Variants in ANKRD11 observed in about 807,000 individuals in gnomAD.
The protein encoded by ANKRD11 is ankyrin repeat domain 11, also known as ankyrin repeat domain-containing protein 11.
Under a neutral mutation model 195.7 loss-of-function variants are expected in ANKRD11, and 17 were observed. The observed-to-expected ratio is 0.09, with a 90% CI of 0.06 to 0.13. The LOEUF (loss-of-function observed/expected upper bound fraction) is 0.13. ANKRD11 is among the 10% of genes least tolerant of loss of function. The probability of loss-of-function intolerance (pLI) is 1.00; values close to 1 mark genes in which losing one functional copy is unlikely to be tolerated. For missense variants in ANKRD11, 3,735 were observed against 3,566.1 expected (o/e 1.05, Z -1.21); for synonymous variants, 1,953 against 1,528.1 (o/e 1.28, Z -6.49).
chr16:89,328,370 T>C (rs1340265936), intron 2 of ANKRD11, among the ~76,000 whole-genome samples: 2 of 152,208 alleles, frequency 1.3e-5, no homozygotes, highest in African/African-American at 2.4e-5. Context: ...TGGAACCTCA[T>C]GTGAACACAA....
At chr16:89,328,654 C>A (rs577391643) in intron 2 of ANKRD11, among the ~76,000 whole-genome samples, 2 of 122,932 alleles carry the variant, frequency 1.6e-5, no homozygotes, top group African/African-American at 6.4e-5. Context: ...GCGAAATCAG[C>A]GGAGGCCCCT....
chr16:89,289,038 C>A, intron 6 of ANKRD11: 1 of 333,024 alleles, frequency 3.0e-6, no homozygotes. Flanking sequence ...GGAGGGGAAA[C>A]CTCCCGTGTC....
chr16:89,313,442 C>T lies in ANKRD11; in HGVS notation c.87+3491G>A, dbSNP rs554372456. 2.0e-4 allele frequency: 257 copies of T among 1,289,182 alleles called. 1 individual carries two copies. In the African/African-American group the frequency reaches 3.6e-3, roughly 18 times the overall value. The allele number at this position is 1,289,182 out of a possible 1,614,324, so 79.9% of individuals were successfully genotyped here. On this transcript the variant is annotated intron_variant, in intron 3 of 12. Transcript: ENST00000301030. ...TCTGCAGAAGGGGCCCTTTCTCTGA[C>T]ACGCCTGCCACTGTGCTCACTGGTG...
At chr16:89,299,247 C>T in intron 4 of ANKRD11, 1 of 177,644 alleles carries the variant, frequency 5.6e-6, no homozygotes, top group Admixed American at 6.1e-5. Context: ...TCTGGTCCTG[C>T]CTGGGAGGAG....
intron 1 of ANKRD11, among the ~76,000 whole-genome samples, chr16:89,428,386 C>A (rs758066187): frequency 4.6e-5 from 7 of 151,628 alleles, no homozygotes; most frequent in Non-Finnish European, 1.0e-4. Context: ...ATTAGCCAAG[C>A]GTGGTGGCGG....
At chr16:89,333,108 G>C (rs1023825483) in intron 2 of ANKRD11, among the ~76,000 whole-genome samples, 10 of 152,356 alleles carry the variant, frequency 6.6e-5, no homozygotes, top group African/African-American at 2.2e-4. Context: ...TGAGGTCACA[G>C]ACTCAGTGGC....
chr16:89,272,554 T>G (rs1457403621), intron 11 of ANKRD11: 1 of 152,016 alleles, frequency 6.6e-6, no homozygotes, highest in Non-Finnish European at 1.5e-5. Context: ...ATACAAAAAT[T>G]AGCCAGGTGT....
intron 1 of ANKRD11, among the ~76,000 whole-genome samples, chr16:89,436,085 A>G (rs552590764): frequency 6.6e-6 from 1 of 152,224 alleles, no homozygotes; most frequent in African/African-American, 2.4e-5. Flanking sequence ...AAGATTCCCC[A>G]TTTGGGAAAG....
At chr16:89,348,634 G>A (rs892633531) in intron 2 of ANKRD11, among the ~76,000 whole-genome samples, 1 of 152,150 alleles carries the variant, frequency 6.6e-6, no homozygotes, top group African/African-American at 2.4e-5. Flanking sequence ...ATAGATACAG[G>A]ACTATTTAAG....
At chr16:89,441,997 C>A (rs2043528876) in intron 1 of ANKRD11, among the ~76,000 whole-genome samples, 1 of 152,164 alleles carries the variant, frequency 6.6e-6, no homozygotes, top group South Asian at 2.1e-4. Context: ...AATTAAAAAT[C>A]CTTGTACTGA....
chr16:89,293,836 C>G (rs2035240851), intron 4 of ANKRD11, among the ~76,000 whole-genome samples: 1 of 152,056 alleles, frequency 6.6e-6, no homozygotes, highest in Non-Finnish European at 1.5e-5. Flanking sequence ...CTTAAGTTAT[C>G]AAAGGACCCT....
At chr16:89,385,878 C>T (rs905860609) in intron 2 of ANKRD11, among the ~76,000 whole-genome samples, 22 of 152,356 alleles carry the variant, frequency 1.4e-4, no homozygotes, top group Admixed American at 1.2e-3. Flanking sequence ...CATTTGTGAC[C>T]GTTCCCTCCG....
chr16:89,283,471 T>C lies in ANKRD11; in HGVS notation c.3071A>G (p.Lys1024Arg), dbSNP rs2034425524. The C allele has an allele frequency of 6.2e-7, 1 of 1,614,114 alleles. No homozygotes were observed. Among genetic ancestry groups the C allele is most frequent in the Non-Finnish European group, 8.5e-7 (1 of 1,180,064 alleles). ...GGATTTCTCTTTGTATCTTTCTGGT[T>C]TTGTCTTCTCCTTCCTTTCCTTATC... ...GPDKERKEKT[K>R]PERYKEKSSD... Residue 1024 changes from lysine (K) to arginine (R), a missense_variant, in exon 9 of 13, where the codon AAA becomes AGA. By Grantham distance (26) the Lys-to-Arg change is conservative. Coordinates refer to ENST00000301030, the MANE Select transcript of ANKRD11 (RefSeq NM_013275.6). This position sits in a 1 kb window ranked among gnomAD's most constrained non-coding sequence, Gnocchi z 4.3.
At chr16:89,352,797 C>T (rs1260017187) in intron 2 of ANKRD11, among the ~76,000 whole-genome samples, 1 of 152,164 alleles carries the variant, frequency 6.6e-6, no homozygotes, top group Non-Finnish European at 1.5e-5. Context: ...GTGCTGCTGC[C>T]CTCCTTCAAG....
chr16:89,481,007 C>T (rs1172984152), intron 1 of ANKRD11, among the ~76,000 whole-genome samples: 7 of 152,178 alleles, frequency 4.6e-5, no homozygotes, highest in Non-Finnish European at 8.8e-5. Flanking sequence ...ACACAGTAGG[C>T]ACAAAATAAA....
intron 4 of ANKRD11, chr16:89,300,753 C>T: frequency 3.3e-6 from 2 of 599,366 alleles, no homozygotes; most frequent in Non-Finnish European, 6.0e-6. Flanking sequence ...CTGAAGGAAC[C>T]AGCATGTGCC....
chr16:89,354,699 C>T (rs965258788), intron 2 of ANKRD11, among the ~76,000 whole-genome samples: 11 of 152,156 alleles, frequency 7.2e-5, no homozygotes, highest in Non-Finnish European at 1.3e-4. Flanking sequence ...CTGGCTAACA[C>T]GGTGAAACCA....
chr16:89,394,066 C>T (rs1463558067), intron 2 of ANKRD11, among the ~76,000 whole-genome samples: 1 of 152,140 alleles, frequency 6.6e-6, no homozygotes, highest in Admixed American at 6.5e-5. Context: ...GGTGCTCCTC[C>T]CCGCCTCCCT....
rs2034260211 is a variant in ANKRD11, at chr16:89,281,641, C to T, written c.4901G>A (p.Gly1634Asp). Residue 1634 changes from glycine (G) to aspartate (D), a missense_variant, in exon 9 of 13, where the codon GGT becomes GAT. Physicochemically the swap from Gly to Asp is moderately conservative, Grantham distance 94. Coordinates refer to ENST00000301030, the MANE Select transcript of ANKRD11 (RefSeq NM_013275.6). This position sits in a 1 kb window ranked among gnomAD's most constrained non-coding sequence, Gnocchi z 5.5. ...AKPADDGRKKGLDIPAKKPPG... is the reference protein window; with the variant it reads ...AKPADDGRKKDLDIPAKKPPG... ...CGGTTTCTTAGCAGGAATGTCCAGA[C>T]CCTTCTTCCGCCCGTCGTCTGCCGG... 1.2e-6 allele frequency: 2 copies of T among 1,614,182 alleles called. No individual in the cohort carries two copies. Among genetic ancestry groups the T allele is most frequent in the Admixed American group, 1.7e-5 (1 of 60,032 alleles).
Sources: gnomAD v4.1 joint callset for allele counts (sites outside exome capture counted in the v4.1 genomes callset) on GRCh38, gnomAD v4.1.1 for gene constraint, Gnocchi (gnomAD v3.1) non-coding constraint, MANE v1.5 for transcripts, NCBI Gene and HGNC (gene_info 2026-07-23, HGNC 2026-07-21) for gene names.